Variants in PDZD8 observed in about 807,000 individuals in gnomAD.
The protein encoded by PDZD8 is PDZ domain containing 8, also known as PDZ domain-containing protein 8.
A neutral mutation model predicts 85.8 loss-of-function variants in PDZD8; 14 were observed. That is an observed-to-expected ratio of 0.16 (90% CI 0.11 to 0.26). The LOEUF is 0.26. PDZD8 is among the 10% of genes least tolerant of loss of function. The probability of loss-of-function intolerance (pLI) is 1.00; values close to 1 mark genes in which losing one functional copy is unlikely to be tolerated. For missense variants in PDZD8, 1,197 were observed against 1,424.3 expected, an observed-to-expected ratio of 0.84 and a Z score of 2.57; for synonymous variants, 592 against 568.6, an observed-to-expected ratio of 1.04 and a Z score of -0.59.
chr10:117,367,409 AAAAC>A (rs147491441), intron 1 of PDZD8, among the ~76,000 whole-genome samples: 44 of 151,334 alleles, frequency 2.9e-4, no homozygotes, highest in Admixed American at 1.6e-3. Flanking sequence ...ACTCCGTCTC[AAAAC>A]AAACAAACAA....
intron 3 of PDZD8, among the ~76,000 whole-genome samples, chr10:117,295,506 C>CAA (rs1843740627): frequency 6.9e-6 from 1 of 145,496 alleles, no homozygotes; most frequent in African/African-American, 2.5e-5. Context: ...TCCCAACACA[C>CAA]AAAAAACTCC....
At chr10:117,299,018 T>A (rs1053540494) in intron 3 of PDZD8, among the ~76,000 whole-genome samples, 10 of 152,098 alleles carry the variant, frequency 6.6e-5, no homozygotes, top group African/African-American at 2.4e-4. Context: ...TCCATATCCA[T>A]CACAGTCCTC....
intron 3 of PDZD8, among the ~76,000 whole-genome samples, chr10:117,318,284 C>CAT (rs925083374): frequency 1.3e-5 from 2 of 152,182 alleles, no homozygotes; most frequent in Non-Finnish European, 2.9e-5. Context: ...ATTCCTCTGT[C>CAT]ATATGCCTAT....
intron 1 of PDZD8, among the ~76,000 whole-genome samples, chr10:117,346,638 T>C (rs1302286232): frequency 6.6e-6 from 1 of 152,006 alleles, no homozygotes; most frequent in Non-Finnish European, 1.5e-5. Flanking sequence ...ATATGCAAAC[T>C]AGGAGCTTTT....
chr10:117,301,893 G>GC (rs1843854094), intron 3 of PDZD8, among the ~76,000 whole-genome samples: 1 of 151,758 alleles, frequency 6.6e-6, no homozygotes, highest in East Asian at 1.9e-4. Context: ...CCCCCGGACA[G>GC]CCCCCACAAA....
chr10:117,320,136 T>C (rs967118018), intron 2 of PDZD8, among the ~76,000 whole-genome samples: 6 of 152,162 alleles, frequency 3.9e-5, no homozygotes, highest in African/African-American at 1.4e-4. Flanking sequence ...AAAGGAACTT[T>C]AAACTTAGTG....
intron 1 of PDZD8, among the ~76,000 whole-genome samples, chr10:117,363,394 AAAATAGAGATTCTT>A (rs1845031086): frequency 6.6e-6 from 1 of 152,132 alleles, no homozygotes; most frequent in Non-Finnish European, 1.5e-5. Context: ...GTCATTTTTC[AAAATAGAGATTCTT>A]GTAGCCAGCT....
chr10:117,331,101 C>T (rs1262590977), intron 2 of PDZD8, among the ~76,000 whole-genome samples: 1 of 152,122 alleles, frequency 6.6e-6, no homozygotes, highest in Non-Finnish European at 1.5e-5. Context: ...TCTGTTAGCC[C>T]TAACTACATT....
chr10:117,313,779 T>C (rs192042380), intron 3 of PDZD8, among the ~76,000 whole-genome samples: 115 of 152,286 alleles, frequency 7.6e-4, no homozygotes, highest in African/African-American at 2.7e-3. Flanking sequence ...AAGTCTTTCC[T>C]GAATTCAACT....
At position 117,372,141 on chromosome 10, in the gene PDZD8, T is replaced by C. The variant is rs549842281; in HGVS notation, c.872+2215A>G. On this transcript the variant is annotated intron_variant, in intron 1 of 4. Transcript: ENST00000334464. ...TATGCTCTGTGCAGCTGACTGAGCA[T>C]TGAGATGCCATCCAGTATAAATAGC... is the stretch of plus-strand genomic sequence containing the variant. 3.9e-5 allele frequency among the ~76,000 whole-genome samples: 6 copies of C among 152,302 alleles called. No homozygotes were observed. The East Asian group carries it at 5.8e-4, about 15-fold the overall frequency.
At chr10:117,302,182 C>G (rs893479580) in intron 3 of PDZD8, among the ~76,000 whole-genome samples, 1 of 152,186 alleles carries the variant, frequency 6.6e-6, no homozygotes, top group East Asian at 1.9e-4. Flanking sequence ...AACTGAAATA[C>G]TTCATGGGAC....
At chr10:117,293,150 C>T (rs1204968337) in intron 3 of PDZD8, among the ~76,000 whole-genome samples, 6 of 151,928 alleles carry the variant, frequency 3.9e-5, no homozygotes, top group Non-Finnish European at 8.8e-5. Flanking sequence ...AGATAAGGTT[C>T]AAGACCATGC....
chr10:117,340,864 A>C (rs528903464), intron 2 of PDZD8, 116 bp downstream of exon 2: 3 of 1,167,390 alleles, frequency 2.6e-6, no homozygotes, highest in Non-Finnish European at 3.5e-6. Context: ...TTACAATTAA[A>C]GAATTTACAG....
intron 3 of PDZD8, among the ~76,000 whole-genome samples, chr10:117,291,466 T>C (rs995111615): frequency 6.6e-6 from 1 of 150,462 alleles, no homozygotes; most frequent in African/African-American, 2.4e-5. Flanking sequence ...GAGGCAGAGG[T>C]TGAAGTGAGC....
intron 2 of PDZD8, among the ~76,000 whole-genome samples, chr10:117,324,512 T>A (rs1047469884): frequency 6.6e-6 from 1 of 152,160 alleles, no homozygotes; most frequent in African/African-American, 2.4e-5. Flanking sequence ...CCACAGACAA[T>A]GGTTTTGGTT....
chr10:117,299,413 A>G (rs1195749571), intron 3 of PDZD8, among the ~76,000 whole-genome samples: 2 of 152,170 alleles, frequency 1.3e-5, no homozygotes, highest in Non-Finnish European at 2.9e-5. Flanking sequence ...TCAGTTTTCC[A>G]GACTTTTAGA....
At chr10:117,373,604 C>CAAA (rs796930758) in intron 1 of PDZD8, among the ~76,000 whole-genome samples, 14 of 52,420 alleles carry the variant, frequency 2.7e-4, no homozygotes, top group African/African-American at 4.7e-4. Flanking sequence ...CTAAAAAATA[C>CAAA]AAAAAAAAAA....
chr10:117,326,863 G>C (rs535065817), intron 2 of PDZD8, among the ~76,000 whole-genome samples: 1 of 152,272 alleles, frequency 6.6e-6, no homozygotes, highest in South Asian at 2.1e-4. Flanking sequence ...TGGTATTAAA[G>C]AGACTCAGGT....
chr10:117,371,895 A>G (rs1273168341), intron 1 of PDZD8, among the ~76,000 whole-genome samples: 3 of 152,186 alleles, frequency 2.0e-5, no homozygotes, highest in Non-Finnish European at 4.4e-5. Flanking sequence ...GTGAGCCATG[A>G]TCCTGACACT....
Sources: allele counts gnomAD v4.1 joint callset (sites outside exome capture counted in the v4.1 genomes callset), GRCh38; gene constraint gnomAD v4.1.1; transcripts MANE v1.5; gene names NCBI Gene and HGNC (gene_info 2026-07-23, HGNC 2026-07-21).